The following TNXB variants were observed in gnomAD, a reference collection of about 807,000 sequenced individuals.
TNXB encodes tenascin-X.
A neutral mutation model predicts 340.5 loss-of-function variants in TNXB; 183 were observed. The ratio of observed to expected loss-of-function variants is 0.54; its 90% CI spans 0.48 to 0.61. TNXB has a LOEUF of 0.61. Ranked by LOEUF, TNXB falls within the 20% of genes least tolerant of loss-of-function variation. TNXB has a pLI of 0.00. For synonymous variants in TNXB, 2,121 were observed against 2,314.5 expected, an observed-to-expected ratio of 0.92 and a Z score of 2.40; for missense variants, 4,613 against 5,446.4, an observed-to-expected ratio of 0.85 and a Z score of 4.82.
At chr6:32,101,291 A>G (rs563863708) in intron 1 of TNXB, among the ~76,000 whole-genome samples, 19 of 151,716 alleles carry the variant, frequency 1.3e-4, no homozygotes, top group Middle Eastern at 3.2e-3. Context: ...CCACATGCCC[A>G]GCTCATTTTT....
intron 24 of TNXB, among the ~76,000 whole-genome samples, chr6:32,054,169 G>A (rs974868079): frequency 1.3e-5 from 2 of 152,008 alleles, no homozygotes; most frequent in African/African-American, 4.8e-5. Flanking sequence ...GAGTTTCCCT[G>A]GATACCTTCC....
intron 29 of TNXB, 59 bp downstream of exon 29, chr6:32,048,304 A>G: frequency 6.8e-7 from 1 of 1,460,352 alleles, no homozygotes; most frequent in Non-Finnish European, 9.1e-7. Context: ...GTGAAATTCC[A>G]ACAGGTGCCA....
rs369801964 is a variant in TNXB at position 32,058,149 on chromosome 6, C to T, written c.7734G>A (p.Arg2578=). 3.1e-6 allele frequency: 5 copies of T among 1,612,606 alleles called. No individual in the cohort carries two copies. The highest frequency in any genetic ancestry group is 4.2e-6 in the Non-Finnish European group (5 of 1,179,864). The change falls in exon 22 of 44, where the codon AGG becomes AGA. Residue 2578 remains arginine (R), a synonymous_variant. Coordinates refer to ENST00000644971, the MANE Select transcript of TNXB (RefSeq NM_001365276.2). The surrounding 1 kb of genome is among the most constrained non-coding windows in gnomAD (Gnocchi z 5.1). ...VGGQESKVTV[R]GLEPGRKYKM... is the part of the protein sequence containing the mutation. ...TGTACTTGCGCCCAGGCTCCAGGCC[C>T]CTCACAGTGACCTTGCTCTCCTGGC...
At chr6:32,066,425 A>G (rs1335325139) in intron 18 of TNXB, among the ~76,000 whole-genome samples, 11 of 152,154 alleles carry the variant, frequency 7.2e-5, no homozygotes, top group Admixed American at 7.2e-4. Context: ...CAATCAATCA[A>G]TCAATAGCAA....
chr6:32,053,706 C>G lies in TNXB; in HGVS notation c.8473G>C (p.Glu2825Gln), dbSNP rs759929653. Residue 2825 changes from glutamate (E) to glutamine (Q), a missense_variant, in exon 25 of 44, where the codon GAG becomes CAG. Transcript: ENST00000644971. ...GCTTGGGTGGTCTCTGCTTCATCCT[C>G]TGGAGCTGGACAGACACGTGTGGGG... ...PVSTVGVTAP[E>Q]DEAETTQAVP... The G allele has an allele frequency of 6.2e-7, 1 of 1,611,904 alleles. No homozygotes were observed. The highest frequency in any genetic ancestry group is 8.5e-7 in the Non-Finnish European group (1 of 1,178,888).
Position 32,083,262 on chromosome 6 carries a change from C to G in TNXB, c.3446-936G>C, listed in dbSNP as rs1304061630. Among the ~76,000 whole-genome samples the G allele has an allele frequency of 6.6e-6, 1 of 152,170 alleles. No individual in the cohort carries two copies. Among genetic ancestry groups the G allele is most frequent in the Non-Finnish European group, 1.5e-5 (1 of 68,048 alleles). ...CAAGCTACCCTGTGGGCTCTTCTTC[C>G]TCTGCCTCCGCTGTGAGTGTAGGCT... On this transcript the variant is annotated intron_variant, in intron 8 of 43. Coordinates refer to ENST00000644971, the MANE Select transcript of TNXB (RefSeq NM_001365276.2). This position sits in a 1 kb window ranked among gnomAD's most constrained non-coding sequence, Gnocchi z 4.6.
In TNXB at chr6:32,108,135, G is replaced by A. The variant is rs1781067783; in HGVS notation, c.-9+1046C>T. On this transcript the variant is annotated intron_variant, in intron 1 of 43. Coordinates refer to ENST00000644971, the MANE Select transcript of TNXB (RefSeq NM_001365276.2). The surrounding 1 kb of genome is among the most constrained non-coding windows in gnomAD (Gnocchi z 4.8). Reference sequence around the variant, plus strand: ...CAAAGGAAGTTTGAGGAATTGAGGTGCTGGGTCCCCAGGGACTTGAAGGCA... The same window carrying A: ...CAAAGGAAGTTTGAGGAATTGAGGTACTGGGTCCCCAGGGACTTGAAGGCA... Among the ~76,000 whole-genome samples the A allele has an allele frequency of 6.6e-6, 1 of 152,122 alleles. No homozygotes were observed. The highest frequency in any genetic ancestry group is 2.4e-5 in the African/African-American group (1 of 41,410).
chr6:32,043,065 C>T lies in TNXB; in HGVS notation c.11811G>A (p.Arg3937=). 1.0e-5 allele frequency: 2 copies of T among 198,872 alleles called. No homozygotes were observed. The highest frequency in any genetic ancestry group is 8.7e-6 in the Non-Finnish European group (1 of 114,492). 12.3% of individuals were successfully genotyped at this position (198,872 alleles called of 1,614,324 possible). Residue 3937 remains arginine, a synonymous_variant, in exon 38 of 44, where the codon CGG becomes CGA. Transcript: ENST00000644971. ...GGGTCACTTCCTTGGCCTCCAAGTCCCGAGGGGCCTCTAGCCCTAGGAGGG... is the reference window on the plus strand; with the variant it reads ...GGGTCACTTCCTTGGCCTCCAAGTCTCGAGGGGCCTCTAGCCCTAGGAGGG... ...ITFTTGLEAP[R]DLEAKEVTPR...
Position 32,096,017 on chromosome 6 carries a change from C to T in TNXB, c.1836G>A (p.Val612=), listed in dbSNP as rs1163394048. 1.9e-6 allele frequency: 3 copies of T among 1,612,922 alleles called. No individual in the cohort carries two copies. The highest frequency in any genetic ancestry group is 2.5e-6 in the Non-Finnish European group (3 of 1,179,772). Residue 612 remains valine, a synonymous_variant, in exon 3 of 44, where the codon GTG becomes GTA. Transcript: ENST00000644971. ...AGGTGCGGATGCTGCAGTCCTCACT[C>T]ACGTAGCCTTCCCAACAGATGCACA... ...DGVCICWEGY[V]SEDCSIRTCP...
At position 32,096,279 on chromosome 6, in the gene TNXB, C is replaced by G. The variant is rs1201914219; in HGVS notation, c.1574G>C (p.Ser525Thr). ...ACGGCAGTCCCCGGGACAGCGACGGCTCCCACAGTCCTCACCGGTGAAGCC... is the reference window on the plus strand; with the variant it reads ...ACGGCAGTCCCCGGGACAGCGACGGGTCCCACAGTCCTCACCGGTGAAGCC... ...NPGFTGEDCG[S>T]RRCPGDCRGH... The change falls in exon 3 of 44, where the codon AGC becomes ACC. Residue 525 changes from serine (S) to threonine (T), a missense_variant. Ser to Thr is a moderately conservative substitution (Grantham distance 58, BLOSUM62 1). Transcript: ENST00000644971. 1 of 1,558,704 alleles carries G rather than the reference C, an allele frequency of 6.4e-7. No homozygotes were observed. The highest frequency in any genetic ancestry group is 1.4e-5 in the African/African-American group (1 of 73,700).
chr6:32,049,526 C>G lies in TNXB; in HGVS notation c.9501G>C (p.Pro3167=). 1.2e-6 allele frequency: 2 copies of G among 1,612,532 alleles called. No individual in the cohort carries two copies. The highest frequency in any genetic ancestry group is 1.7e-6 in the Non-Finnish European group (2 of 1,179,854). Reference sequence around the variant, plus strand: ...CTGTCACTGTCAACTCCCCCAGGAGCGGCTCCTCAGGGGCCTCCGGGGCCT... The same window carrying G: ...CTGTCACTGTCAACTCCCCCAGGAGGGGCTCCTCAGGGGCCTCCGGGGCCT... ...STEAPEAPEE[P]LLGELTVTGS... The change falls in exon 28 of 44, where the codon CCG becomes CCC. Residue 3167 remains proline, a synonymous_variant. Transcript: ENST00000644971. This position sits in a 1 kb window ranked among gnomAD's most constrained non-coding sequence, Gnocchi z 4.5.
At chr6:32,088,103 T>A (rs1779899093) in intron 6 of TNXB, among the ~76,000 whole-genome samples, 1 of 152,140 alleles carries the variant, frequency 6.6e-6, no homozygotes, top group Non-Finnish European at 1.5e-5. Context: ...GCCTCTTCCC[T>A]GTGCCCCAGC....
At chr6:32,060,047 A>G (rs975052411) in intron 21 of TNXB, among the ~76,000 whole-genome samples, 1 of 151,984 alleles carries the variant, frequency 6.6e-6, no homozygotes, top group Non-Finnish European at 1.5e-5. Flanking sequence ...GAAATGAAAT[A>G]AGTCTGGCTG....
In TNXB at chr6:32,096,775, AG is replaced by A; in HGVS notation, c.1077del (p.Trp360GlyfsTer211). 1 of 1,563,028 alleles carries A rather than the reference AG, an allele frequency of 6.4e-7. No individual in the cohort carries two copies. The highest frequency in any genetic ancestry group is 8.6e-7 in the Non-Finnish European group (1 of 1,156,362). ...GGRCVDGRCV[C>X]WPGYTGEDCS... ...CAGTCCTCGCCTGTGTACCCGGGCC[AG>A]CACACGCAGCGGCCGTCCACGCAGC... On this transcript the variant is annotated frameshift_variant, in exon 3 of 44. Transcript: ENST00000644971. LOFTEE classifies it high-confidence loss of function.
At position 32,067,186 on chromosome 6, in the gene TNXB, A is replaced by AG. The variant is rs1778424558; in HGVS notation, c.6544+474_6544+475insC. ...AAGAAAGAAAGAAAGAAAGAAAGAAAACATTCTAGTGATTCTAGTGGAGGA... is the reference window on the plus strand; with the variant it reads ...AAGAAAGAAAGAAAGAAAGAAAGAAAGACATTCTAGTGATTCTAGTGGAGGA... On this transcript the variant is annotated intron_variant, in intron 18 of 43. Transcript: ENST00000644971. The surrounding 1 kb of genome is among the most constrained non-coding windows in gnomAD (Gnocchi z 4.2). Among the ~76,000 whole-genome samples the AG allele has an allele frequency of 1.3e-5, 2 of 151,706 alleles. No homozygotes were observed. Among genetic ancestry groups the AG allele is most frequent in the African/African-American group, 2.4e-5 (1 of 41,202 alleles).
rs369474370 is a variant in TNXB at position 32,089,143 on chromosome 6, TCTGCCCTCCCGGAG to T, written c.2515+66_2515+79del. On this transcript the variant is annotated intron_variant, in intron 5 of 43. Transcript: ENST00000644971. The surrounding 1 kb of genome is among the most constrained non-coding windows in gnomAD (Gnocchi z 6.2). ...CCTAGCCCCCATCCAGCCCCTTCCT[TCTGCCCTCCCGGAG>T]GGCAGATTCCCTCTCTAGTCCAGAT... is the stretch of plus-strand genomic sequence containing the variant. 209 of 1,569,582 alleles carry T rather than the reference TCTGCCCTCCCGGAG, an allele frequency of 1.3e-4. 2 individuals carry two copies. The highest frequency in any genetic ancestry group is 1.2e-3 in the Middle Eastern group (7 of 5,860).
chr6:32,083,445 A>G lies in TNXB; in HGVS notation c.3445+968T>C, dbSNP rs1779590733. 6.6e-6 allele frequency among the ~76,000 whole-genome samples: 1 copy of G among 152,174 alleles called. No homozygotes were observed. The highest frequency in any genetic ancestry group is 1.5e-5 in the Non-Finnish European group (1 of 68,036). On this transcript the variant is annotated intron_variant, in intron 8 of 43. Transcript: ENST00000644971. The surrounding 1 kb of genome is among the most constrained non-coding windows in gnomAD (Gnocchi z 4.6). ...ACATCTTGATCACAACTGACTCTCA[A>G]TAAATGCACAAAAGGTATTTATGTA...
At position 32,068,893 on chromosome 6, in the gene TNXB, C is replaced by T; in HGVS notation, c.5831G>A (p.Arg1944Lys). ...GAAACCATACAGGGTCACCAGGTAT[C>T]TGTGGTCGGATTCCAGGCCAGAGAG... ...ITLSGLESDH[R>K]YLVTLYGFSD... Residue 1944 changes from arginine to lysine, a missense_variant, in exon 16 of 44, where the codon AGA becomes AAA. Physicochemically the swap from Arg to Lys is conservative, Grantham distance 26. Transcript: ENST00000644971. This position sits in a 1 kb window ranked among gnomAD's most constrained non-coding sequence, Gnocchi z 5.3. 1 of 1,612,904 alleles carries T rather than the reference C, an allele frequency of 6.2e-7. No individual in the cohort carries two copies. Among genetic ancestry groups the T allele is most frequent in the African/African-American group, 1.3e-5 (1 of 75,058 alleles).
intron 18 of TNXB, 129 bp from the exon 19 acceptor site, chr6:32,065,246 C>T: frequency 4.7e-6 from 4 of 846,940 alleles, no homozygotes; most frequent in Non-Finnish European, 7.0e-6. Context: ...TGATTATAAT[C>T]ATAATCAGAT....
Sources: gnomAD v4.1 joint callset for allele counts (sites outside exome capture counted in the v4.1 genomes callset) on GRCh38, gnomAD v4.1.1 for gene constraint, Gnocchi (gnomAD v3.1) non-coding constraint, MANE v1.5 for transcripts, NCBI Gene and HGNC (gene_info 2026-07-23, HGNC 2026-07-21) for gene names.